Variants in CTNNA3 observed in about 807,000 individuals in gnomAD.
CTNNA3 encodes catenin alpha-3.
CTNNA3 carries 76 observed loss-of-function variants against 95.7 expected under a neutral mutation model. That is an observed-to-expected ratio of 0.79 (90% CI 0.66 to 0.96). CTNNA3 has a LOEUF of 0.96. CTNNA3 is among the 40% of genes least tolerant of loss of function. The probability of loss-of-function intolerance (pLI) is 0.00; values close to 1 mark genes in which losing one functional copy is unlikely to be tolerated. For missense variants in CTNNA3, 1,191 were observed against 1,089.8 expected, an observed-to-expected ratio of 1.09 and a Z score of -1.31; for synonymous variants, 431 against 374.4, an observed-to-expected ratio of 1.15 and a Z score of -1.74.
At chr10:67,180,142 C>T (rs1406418957) in intron 7 of CTNNA3, among the ~76,000 whole-genome samples, 175 bp downstream of exon 7, 1 of 152,082 alleles carries the variant, frequency 6.6e-6, no homozygotes, top group East Asian at 1.9e-4. Flanking sequence ...CTAGAAATTC[C>T]CAGGGTTGTT....
intron 17 of CTNNA3, among the ~76,000 whole-genome samples, chr10:65,956,429 G>T (rs1230888149): frequency 6.6e-6 from 1 of 152,142 alleles, no homozygotes; most frequent in African/African-American, 2.4e-5. Context: ...CCTTCTGCTA[G>T]ATTTTGAATG....
intron 5 of CTNNA3, among the ~76,000 whole-genome samples, chr10:67,517,328 T>A (rs959654290): frequency 3.9e-5 from 6 of 152,170 alleles, no homozygotes; most frequent in Non-Finnish European, 5.9e-5. Flanking sequence ...AAGTAGAATT[T>A]TATTTTTCAA....
At chr10:66,496,305 T>C (rs1454700765) in intron 11 of CTNNA3, among the ~76,000 whole-genome samples, 2 of 150,884 alleles carry the variant, frequency 1.3e-5, no homozygotes, top group East Asian at 4.1e-4. Flanking sequence ...AGGAAATGAC[T>C]GAACTATTGG....
chr10:67,648,895 C>A (rs2133485615), intron 1 of CTNNA3: 3 of 858,346 alleles, frequency 3.5e-6, no homozygotes, highest in Admixed American at 3.4e-5. Flanking sequence ...ATTTCTAGAA[C>A]TGAAATGTTT....
intron 15 of CTNNA3, among the ~76,000 whole-genome samples, chr10:66,068,196 AC>A (rs1428271955): frequency 6.6e-6 from 1 of 152,124 alleles, no homozygotes; most frequent in African/African-American, 2.4e-5. Flanking sequence ...GTCTGCCATA[AC>A]TTTTATAAGG....
At chr10:67,078,425 G>C (rs558697727) in intron 7 of CTNNA3, among the ~76,000 whole-genome samples, 115 of 152,172 alleles carry the variant, frequency 7.6e-4, no homozygotes, top group African/African-American at 2.7e-3. Flanking sequence ...ATTTGAGAGA[G>C]GGACCAACAA....
chr10:66,106,174 T>C (rs187626384), intron 13 of CTNNA3, among the ~76,000 whole-genome samples: 150 of 146,350 alleles, frequency 1.0e-3, no homozygotes, highest in African/African-American at 3.6e-3. Context: ...GCCATTGCAC[T>C]CCAGCCTGGG....
At chr10:66,722,434 G>T (rs1848659614) in intron 9 of CTNNA3, among the ~76,000 whole-genome samples, 2 of 151,868 alleles carry the variant, frequency 1.3e-5, no homozygotes, top group African/African-American at 4.8e-5. Flanking sequence ...GAGAATTGGT[G>T]CTAGCTTCCC....
chr10:66,683,590 C>G (rs374782012), intron 9 of CTNNA3, among the ~76,000 whole-genome samples: 1 of 152,038 alleles, frequency 6.6e-6, no homozygotes, highest in Non-Finnish European at 1.5e-5. Context: ...GTTTGACAGG[C>G]AAAAATACTT....
chr10:67,684,076 G>A (rs985423106), intron 1 of CTNNA3, among the ~76,000 whole-genome samples: 2 of 152,214 alleles, frequency 1.3e-5, no homozygotes, highest in Non-Finnish European at 2.9e-5. Context: ...TGGCTCAGGT[G>A]GCCAGCTTTT....
chr10:66,334,329 T>G (rs181340746), intron 12 of CTNNA3, among the ~76,000 whole-genome samples: 1 of 151,998 alleles, frequency 6.6e-6, no homozygotes, highest in Non-Finnish European at 1.5e-5. Flanking sequence ...GCCTCGATAG[T>G]CTTTACAATT....
At chr10:66,763,873 T>G (rs1219711001) in intron 9 of CTNNA3, among the ~76,000 whole-genome samples, 2 of 152,156 alleles carry the variant, frequency 1.3e-5, no homozygotes, top group Non-Finnish European at 2.9e-5. Flanking sequence ...AATATGCCAT[T>G]TAGCATGTCC....
intron 7 of CTNNA3, among the ~76,000 whole-genome samples, chr10:66,835,150 T>G (rs7904842): frequency 0.87 from 132,182 of 152,168 alleles, 57,899 homozygotes; most frequent in African/African-American, 0.97. Flanking sequence ...GGCTCAGCAG[T>G]TTCCTGCACA....
chr10:67,571,716 C>T (rs998541951), intron 3 of CTNNA3, among the ~76,000 whole-genome samples: 1 of 152,208 alleles, frequency 6.6e-6, no homozygotes. Flanking sequence ...GTGAGGGAAG[C>T]AGGAGAGGGC....
chr10:67,621,519 G>A (rs1363342711), intron 2 of CTNNA3, among the ~76,000 whole-genome samples: 1 of 152,156 alleles, frequency 6.6e-6, no homozygotes, highest in Non-Finnish European at 1.5e-5. Context: ...GGAGGCTGAG[G>A]CAGACGGATC....
intron 12 of CTNNA3, among the ~76,000 whole-genome samples, chr10:66,361,520 G>T (rs10997087): frequency 0.37 from 53,993 of 144,354 alleles, 11,185 homozygotes; most frequent in Non-Finnish European, 0.47. Context: ...CCCTCTCTCT[G>T]CATCTTTCTC....
chr10:66,464,843 T>A (rs545565255), intron 11 of CTNNA3, among the ~76,000 whole-genome samples: 1 of 151,830 alleles, frequency 6.6e-6, no homozygotes, highest in South Asian at 2.1e-4. Context: ...TACAGGCTAA[T>A]TGGAATGGAG....
At position 66,668,457 on chromosome 10, in the gene CTNNA3, T is replaced by TGTGTGTGA. The variant is rs777242549; in HGVS notation, c.1282-46674_1282-46673insTCACACAC. The stretch of plus-strand genomic sequence containing the variant: ...GTGTGTGTGTGTGTGTGTGTGTGTG[T>TGTGTGTGA]GATACACATCCACATATATACATAC... On this transcript the variant is annotated intron_variant, in intron 9 of 17. Transcript: ENST00000433211. Among the ~76,000 whole-genome samples the TGTGTGTGA allele has an allele frequency of 2.6e-3, 386 of 149,820 alleles. 3 individuals carry two copies. Among genetic ancestry groups the TGTGTGTGA allele is most frequent in the African/African-American group, 8.9e-3 (365 of 40,824 alleles).
At position 66,838,547 on chromosome 10, in the gene CTNNA3, CAAAT is replaced by C. The variant is rs1351642872; in HGVS notation, c.1048-63027_1048-63024del. 2.6e-5 allele frequency among the ~76,000 whole-genome samples: 4 copies of C among 151,858 alleles called. No individual in the cohort carries two copies. The East Asian group carries it at 5.8e-4, about 22-fold the overall frequency. On this transcript the variant is annotated intron_variant, in intron 7 of 17. Coordinates refer to ENST00000433211, the MANE Select transcript of CTNNA3 (RefSeq NM_013266.4). ...ATGGTGAAGCCACGTCTAAATTCAG[CAAAT>C]AAATAAATAAATAAAATGCCTTCAT... is the stretch of plus-strand genomic sequence containing the variant.
Sources: allele counts gnomAD v4.1 joint callset (sites outside exome capture counted in the v4.1 genomes callset), GRCh38; gene constraint gnomAD v4.1.1; transcripts MANE v1.5; gene names NCBI Gene and HGNC (gene_info 2026-07-23, HGNC 2026-07-21).